The following CTIF variants were observed in gnomAD, a reference collection of about 807,000 sequenced individuals.
CTIF encodes the protein cap binding complex dependent translation initiation factor, also known as CBP80/20-dependent translation initiation factor.
Under a neutral mutation model 66.0 loss-of-function variants are expected in CTIF, and 21 were observed. The ratio of observed to expected loss-of-function variants is 0.32; its 90% confidence interval spans 0.23 to 0.46. CTIF has a LOEUF of 0.46. Ranked by LOEUF, CTIF falls within the 20% of genes least tolerant of loss-of-function variation. The pLI, the probability that CTIF is intolerant of heterozygous loss-of-function variation, is 1.00. For synonymous variants in CTIF, 345 were observed against 326.4 expected (o/e 1.06, Z -0.62); for missense variants, 739 against 812.7 (o/e 0.91, Z 1.10).
chr18:48,557,602 T>C (rs903480597), intron 1 of CTIF, among the ~76,000 whole-genome samples: 1 of 152,250 alleles, frequency 6.6e-6, no homozygotes, highest in African/African-American at 2.4e-5. Context: ...GGCTTGGTGC[T>C]GAATTTGTTA....
At chr18:48,853,209 C>T (rs79239994) in intron 10 of CTIF, among the ~76,000 whole-genome samples, 3,545 of 152,210 alleles carry the variant, frequency 0.023, 140 homozygotes, top group African/African-American at 0.082. Context: ...CCTTCTAGAG[C>T]GGGGAGACGG....
intron 6 of CTIF, among the ~76,000 whole-genome samples, chr18:48,678,371 A>C (rs2091674586): frequency 6.6e-6 from 1 of 151,896 alleles, no homozygotes; most frequent in Non-Finnish European, 1.5e-5. Context: ...GCCATCAAGG[A>C]GGGGGTCTTA....
intron 9 of CTIF, among the ~76,000 whole-genome samples, chr18:48,798,359 G>T (rs914750042): frequency 1.3e-4 from 20 of 152,198 alleles, no homozygotes; most frequent in African/African-American, 2.4e-5. Flanking sequence ...CAGAGCCCGG[G>T]CTTTATTTAA....
At chr18:48,603,101 G>A (rs949154866) in intron 1 of CTIF, among the ~76,000 whole-genome samples, 1 of 151,128 alleles carries the variant, frequency 6.6e-6, no homozygotes, top group Admixed American at 6.6e-5. Flanking sequence ...CTAGATGGGT[G>A]GGTGGGTGAA....
rs377280280 is a variant in CTIF at position 48,754,066 on chromosome 18, G to A, written c.585-3853G>A. On this transcript the variant is annotated intron_variant, in intron 7 of 11. Coordinates refer to ENST00000256413, the MANE Select transcript of CTIF (RefSeq NM_014772.3). Reference sequence around the variant, plus strand: ...GCCTAGGTCTCCATTGCTGGGGAACGAGGCCTAACTCCAAGTCTGTTCCAG... The same window carrying A: ...GCCTAGGTCTCCATTGCTGGGGAACAAGGCCTAACTCCAAGTCTGTTCCAG... Among the ~76,000 whole-genome samples, 338 of 152,340 alleles carry A rather than the reference G, an allele frequency of 2.2e-3. 1 individual carries two copies. Among genetic ancestry groups the A allele is most frequent in the Non-Finnish European group, 3.4e-3 (233 of 68,032 alleles).
In CTIF at chr18:48,608,778, G is replaced by A. The variant is rs141499860; in HGVS notation, c.-28-10760G>A. Among the ~76,000 whole-genome samples the A allele has an allele frequency of 2.5e-3, 384 of 152,282 alleles. 2 individuals carry two copies. Among genetic ancestry groups the A allele is most frequent in the African/African-American group, 8.4e-3 (348 of 41,544 alleles). The stretch of plus-strand genomic sequence containing the variant: ...TCCCACCAGGCTCTGGAAACAGCTC[G>A]GTACTCTCTCTGCTCCAGCTGGTCT... On this transcript the variant is annotated intron_variant, in intron 1 of 11. Transcript: ENST00000256413.
intron 6 of CTIF, among the ~76,000 whole-genome samples, chr18:48,698,169 A>ATGAAGGGAGCACT (rs1431113990): frequency 4.3e-5 from 6 of 138,762 alleles, no homozygotes; most frequent in Non-Finnish European, 9.3e-5. Flanking sequence ...AACCCTATGG[A>ATGAAGGGAGCACT]TGAAGGGAGC....
At chr18:48,800,443 A>G (rs2068025413) in intron 9 of CTIF, among the ~76,000 whole-genome samples, 2 of 152,128 alleles carry the variant, frequency 1.3e-5, no homozygotes, top group African/African-American at 2.4e-5. Context: ...AGCCCATCAC[A>G]TTCCCCACCC....
Position 48,551,858 on chromosome 18 carries a change from C to T in CTIF, c.-29+12546C>T, listed in dbSNP as rs561551743. Among the ~76,000 whole-genome samples, 38 of 151,776 alleles carry T rather than the reference C, an allele frequency of 2.5e-4. 1 individual carries two copies. In the East Asian group the frequency reaches 2.9e-3, roughly 12 times the overall value. On this transcript the variant is annotated intron_variant, in intron 1 of 11. Coordinates refer to ENST00000256413, the MANE Select transcript of CTIF (RefSeq NM_014772.3). ...TGTCACCCAGGCTGGAGTGTAGTGGCGCGATGTCGGCTCACTGCAAGCTCC... is the reference window on the plus strand; with the variant it reads ...TGTCACCCAGGCTGGAGTGTAGTGGTGCGATGTCGGCTCACTGCAAGCTCC...
At chr18:48,653,707 G>A (rs577598526) in intron 3 of CTIF, among the ~76,000 whole-genome samples, 8 of 152,262 alleles carry the variant, frequency 5.3e-5, no homozygotes, top group South Asian at 2.1e-4. Flanking sequence ...GAGGCATCAC[G>A]CGACCTGACT....
chr18:48,857,300 G>C (rs980845098), intron 10 of CTIF, among the ~76,000 whole-genome samples: 10 of 152,298 alleles, frequency 6.6e-5, no homozygotes, highest in Non-Finnish European at 1.5e-4. Flanking sequence ...TTTCTCTTCA[G>C]TGGCCTCTTG....
chr18:48,749,544 C>A (rs1396396429), intron 7 of CTIF, among the ~76,000 whole-genome samples: 1 of 152,204 alleles, frequency 6.6e-6, no homozygotes, highest in Non-Finnish European at 1.5e-5. Context: ...GTGATCCCTC[C>A]CTCTGCATAG....
chr18:48,752,430 A>C (rs1193048191), intron 7 of CTIF, among the ~76,000 whole-genome samples: 1 of 152,218 alleles, frequency 6.6e-6, no homozygotes, highest in Non-Finnish European at 1.5e-5. Context: ...TCCAAAGAGC[A>C]CTGAGATCTC....
intron 10 of CTIF, among the ~76,000 whole-genome samples, chr18:48,854,946 T>C (rs2069291898): frequency 6.6e-6 from 1 of 152,186 alleles, no homozygotes; most frequent in Non-Finnish European, 1.5e-5. Context: ...AAGTGCTGCT[T>C]TGCATCACAG....
At chr18:48,663,973 G>C (rs769981777) in intron 4 of CTIF, 148 bp downstream of exon 4, 3 of 768,358 alleles carry the variant, frequency 3.9e-6, no homozygotes, top group Non-Finnish European at 6.6e-6. Context: ...TGGAAAGAAG[G>C]CCGGAGAGAG....
At chr18:48,716,003 G>A (rs529370842) in intron 7 of CTIF, among the ~76,000 whole-genome samples, 2 of 152,322 alleles carry the variant, frequency 1.3e-5, no homozygotes, top group East Asian at 1.9e-4. Flanking sequence ...TACCTTGGGC[G>A]GGGCTGCGCT....
At chr18:48,748,271 T>C (rs1907447707) in intron 7 of CTIF, among the ~76,000 whole-genome samples, 1 of 151,798 alleles carries the variant, frequency 6.6e-6, no homozygotes. Context: ...AGGGTTGCTG[T>C]GAGGATCAAG....
chr18:48,630,780 A>G (rs2090693812), intron 2 of CTIF, among the ~76,000 whole-genome samples: 1 of 151,626 alleles, frequency 6.6e-6, no homozygotes, highest in African/African-American at 2.4e-5. Flanking sequence ...AGTTCATGCC[A>G]TTCTCCTGCC....
chr18:48,571,166 G>A (rs1976647), intron 1 of CTIF, among the ~76,000 whole-genome samples: 6,062 of 150,644 alleles, frequency 0.04, 399 homozygotes, highest in African/African-American at 0.14. Context: ...GTTTGGGTTT[G>A]TTTTTGTTTG....
Sources: gnomAD v4.1 joint callset for allele counts (sites outside exome capture counted in the v4.1 genomes callset) on GRCh38, gnomAD v4.1.1 for gene constraint, MANE v1.5 for transcripts, NCBI Gene and HGNC (gene_info 2026-07-23, HGNC 2026-07-21) for gene names.